Variants in EXTL3 observed in about 807,000 individuals in gnomAD.
The protein encoded by EXTL3 is exostosin like glycosyltransferase 3, also known as exostosin-like 3.
Under a neutral mutation model 69.3 loss-of-function variants are expected in EXTL3, and 27 were observed. That is an observed-to-expected ratio of 0.39 (90% confidence interval 0.29 to 0.54). The LOEUF (loss-of-function observed/expected upper bound fraction) is 0.54. Among genes scored for constraint, EXTL3 ranks in the 20% least tolerant of loss-of-function variants. EXTL3 has a pLI of 0.69. For missense variants in EXTL3, 1,003 were observed against 1,231.8 expected, an observed-to-expected ratio of 0.81 and a Z score of 2.78; for synonymous variants, 511 against 499.4, an observed-to-expected ratio of 1.02 and a Z score of -0.31.
intron 1 of EXTL3, among the ~76,000 whole-genome samples, chr8:28,690,306 A>G (rs1800593670): frequency 6.6e-6 from 1 of 152,028 alleles, no homozygotes; most frequent in African/African-American, 2.4e-5. Flanking sequence ...TCTGCCTCTC[A>G]GGTTCAAGTG....
chr8:28,720,247 C>T (rs1801267641), intron 3 of EXTL3, among the ~76,000 whole-genome samples: 1 of 152,124 alleles, frequency 6.6e-6, no homozygotes. Flanking sequence ...TGATACACCT[C>T]AGAGTGGGTT....
chr8:28,729,504 G>T (rs1469793162), intron 3 of EXTL3, among the ~76,000 whole-genome samples: 1 of 140,508 alleles, frequency 7.1e-6, no homozygotes, highest in Non-Finnish European at 1.5e-5. Flanking sequence ...GCTGAGGCAG[G>T]AGAATCACTT....
intron 1 of EXTL3, among the ~76,000 whole-genome samples, chr8:28,668,865 C>CTTTTTTTTTT (rs999113088): frequency 0.41 from 37,622 of 92,366 alleles, 9,794 homozygotes; most frequent in Non-Finnish European, 0.48. Flanking sequence ...GATAGAATCT[C>CTTTTTTTTTT]TTTTTTTTTT....
chr8:28,729,841 CTT>C (rs756826180), intron 3 of EXTL3, among the ~76,000 whole-genome samples: 14 of 129,970 alleles, frequency 1.1e-4, no homozygotes, highest in Admixed American at 1.6e-4. Context: ...CGAGAACTCG[CTT>C]TTTTTTTTTT....
At chr8:28,616,017 T>C (rs1291130289) in intron 2 of EXTL3, among the ~76,000 whole-genome samples, 1 of 151,284 alleles carries the variant, frequency 6.6e-6, no homozygotes, top group Admixed American at 6.6e-5. Context: ...GGCGGGTCAC[T>C]TGAGGCCAGG....
intron 1 of EXTL3, among the ~76,000 whole-genome samples, chr8:28,689,741 A>G (rs1034268012): frequency 6.6e-6 from 1 of 152,204 alleles, no homozygotes; most frequent in Non-Finnish European, 1.5e-5. Flanking sequence ...GGGGTTAGGG[A>G]TTCTGTCAAT....
intron 3 of EXTL3, chr8:28,730,093 A>G (rs1801507032): frequency 6.6e-6 from 1 of 152,214 alleles, no homozygotes; most frequent in Non-Finnish European, 1.5e-5. Context: ...AGGCATCTGA[A>G]CTGGACCTCC....
chr8:28,644,776 CCTA>C (rs1446293715), intron 1 of EXTL3, among the ~76,000 whole-genome samples: 2 of 152,210 alleles, frequency 1.3e-5, no homozygotes, highest in African/African-American at 4.8e-5. Flanking sequence ...TACCTACTCT[CCTA>C]CTGTATGTAC....
In EXTL3 at chr8:28,688,389, AATG is replaced by A. The variant is rs144223725; in HGVS notation, c.-52-25057_-52-25055del. ...CTGAGATGACTCAAGAATTTGGGCA[AATG>A]ATGATGATGACAGCAGTTGATGTTA... On this transcript the variant is annotated intron_variant, in intron 1 of 6. Transcript: ENST00000523149. Among the ~76,000 whole-genome samples, 454 of 152,226 alleles carry A rather than the reference AATG, an allele frequency of 3.0e-3. 8 individuals are homozygous for A. In the East Asian group the frequency reaches 0.055, roughly 18 times the overall value.
intron 1 of EXTL3, among the ~76,000 whole-genome samples, chr8:28,664,267 CTGGT>C (rs1554549916): frequency 6.6e-6 from 1 of 152,226 alleles, no homozygotes; most frequent in Non-Finnish European, 1.5e-5. Flanking sequence ...TGGTCACATT[CTGGT>C]AGGGACCCTC....
At chr8:28,708,673 A>G (rs1800970928) in intron 1 of EXTL3, among the ~76,000 whole-genome samples, 1 of 152,084 alleles carries the variant, frequency 6.6e-6, no homozygotes, top group African/African-American at 2.4e-5. Flanking sequence ...TCCTGTGGAG[A>G]ACTCTCTTTA....
Position 28,656,175 on chromosome 8 carries a change from AT to A in EXTL3, c.-53+33376del, listed in dbSNP as rs34224320. On this transcript the variant is annotated intron_variant, in intron 1 of 6. Coordinates refer to the EXTL3 transcript ENST00000523149. ...TGAGCAATCAGAAGGTTGTTCAACC[AT>A]TTTTTTTTTTGAGATAAGATTTCTC... Among the ~76,000 whole-genome samples, 289 of 148,746 alleles carry A rather than the reference AT, an allele frequency of 1.9e-3. 2 individuals carry two copies. Among genetic ancestry groups the A allele is most frequent in the South Asian group, 0.015 (68 of 4,682 alleles).
chr8:28,626,032 TGAG>T (rs893048213), intron 1 of EXTL3, among the ~76,000 whole-genome samples: 1 of 115,302 alleles, frequency 8.7e-6, no homozygotes, highest in Non-Finnish European at 1.7e-5. Context: ...AAAAGCCAGG[TGAG>T]GTGGTGCACA....
At chr8:28,633,356 TAAAA>T (rs1173498972) in intron 1 of EXTL3, among the ~76,000 whole-genome samples, 3 of 151,106 alleles carry the variant, frequency 2.0e-5, no homozygotes, top group Non-Finnish European at 4.4e-5. Flanking sequence ...ATAATAAAAA[TAAAA>T]AAATAAATCA....
intron 3 of EXTL3, among the ~76,000 whole-genome samples, chr8:28,722,155 C>T (rs1801303658): frequency 6.6e-6 from 1 of 152,134 alleles, no homozygotes; most frequent in South Asian, 2.1e-4. Flanking sequence ...GCACCAGAAG[C>T]GATGCCCAGT....
At chr8:28,744,878 G>A (rs1430012929) in intron 6 of EXTL3, among the ~76,000 whole-genome samples, 3 of 151,750 alleles carry the variant, frequency 2.0e-5, no homozygotes, top group Non-Finnish European at 2.9e-5. Flanking sequence ...CAGGAGAATC[G>A]CTTGAATCCA....
intron 3 of EXTL3, among the ~76,000 whole-genome samples, chr8:28,724,494 G>A (rs1801367178): frequency 6.6e-6 from 1 of 152,054 alleles, no homozygotes; most frequent in African/African-American, 2.4e-5. Flanking sequence ...TTGGCTGGGT[G>A]TGGTGGCTCA....
intron 1 of EXTL3, among the ~76,000 whole-genome samples, chr8:28,702,020 T>G (rs968399128): frequency 2.6e-5 from 4 of 152,128 alleles, no homozygotes; most frequent in Non-Finnish European, 5.9e-5. Context: ...CTGCAGCTGT[T>G]GGGCTTCCTC....
intron 6 of EXTL3, among the ~76,000 whole-genome samples, chr8:28,747,570 G>C (rs1429951363): frequency 6.6e-6 from 1 of 152,082 alleles, no homozygotes; most frequent in African/African-American, 2.4e-5. Context: ...TTTGAGAAAA[G>C]ATAGACATGC....
Sources: gnomAD v4.1 joint callset for allele counts (sites outside exome capture counted in the v4.1 genomes callset) on GRCh38, gnomAD v4.1.1 for gene constraint, MANE v1.5 for transcripts, NCBI Gene and HGNC (gene_info 2026-07-23, HGNC 2026-07-21) for gene names.